B3GALT1: variants seen among roughly 807,000 people sequenced by gnomAD.
B3GALT1 encodes the protein beta-1,3-galactosyltransferase 1, also known as UDP-Gal:betaGlcNAc beta 1,3-galactosyltransferase, polypeptide 1.
Under a neutral mutation model 23.2 loss-of-function variants are expected in B3GALT1, and 10 were observed. The observed-to-expected ratio is 0.43, with a 90% CI of 0.27 to 0.73. B3GALT1 has a LOEUF of 0.73. Ranked by LOEUF, B3GALT1 falls within the 30% of genes least tolerant of loss-of-function variation. B3GALT1 has a pLI of 0.21. For synonymous variants in B3GALT1, 156 were observed against 141.5 expected, an observed-to-expected ratio of 1.10 and a Z score of -0.73; for missense variants, 299 against 405.4, an observed-to-expected ratio of 0.74 and a Z score of 2.25.
At chr2:167,844,197 A>G (rs1689707728) in intron 4 of B3GALT1, among the ~76,000 whole-genome samples, 1 of 152,224 alleles carries the variant, frequency 6.6e-6, no homozygotes, top group South Asian at 2.1e-4. Flanking sequence ...ACATGATCCC[A>G]TATTAATAAA....
chr2:167,305,115 C>T (rs933246491), intron 1 of B3GALT1, among the ~76,000 whole-genome samples: 2 of 152,158 alleles, frequency 1.3e-5, no homozygotes, highest in African/African-American at 2.4e-5. Flanking sequence ...TTTTACCAGC[C>T]ACCTAGGTAT....
At chr2:167,433,330 G>T (rs137864763) in intron 1 of B3GALT1, among the ~76,000 whole-genome samples, 1 of 152,130 alleles carries the variant, frequency 6.6e-6, no homozygotes, top group Non-Finnish European at 1.5e-5. Context: ...TTATTTATCT[G>T]TTAACTTACT....
At chr2:167,806,644 C>A (rs1009207849) in intron 3 of B3GALT1, among the ~76,000 whole-genome samples, 2 of 152,162 alleles carry the variant, frequency 1.3e-5, no homozygotes, top group African/African-American at 4.8e-5. Context: ...GTTGAACCAG[C>A]CTTGCATCCC....
At chr2:167,578,537 G>C (rs1684424563) in intron 2 of B3GALT1, among the ~76,000 whole-genome samples, 1 of 151,802 alleles carries the variant, frequency 6.6e-6, no homozygotes, top group Non-Finnish European at 1.5e-5. Flanking sequence ...GGGGGTATTG[G>C]AGGGTAGGGG....
At chr2:167,636,470 C>T (rs1427428978) in intron 2 of B3GALT1, among the ~76,000 whole-genome samples, 2 of 152,074 alleles carry the variant, frequency 1.3e-5, no homozygotes, top group South Asian at 4.1e-4. Context: ...TTTGACCCAG[C>T]CATCCCATTA....
chr2:167,593,434 G>C (rs985273932), intron 2 of B3GALT1, among the ~76,000 whole-genome samples: 2 of 152,136 alleles, frequency 1.3e-5, no homozygotes, highest in African/African-American at 4.8e-5. Context: ...TCAGTGCAAA[G>C]TTTGTGTGTT....
chr2:167,313,485 A>G (rs1247135799), intron 1 of B3GALT1, among the ~76,000 whole-genome samples: 1 of 152,160 alleles, frequency 6.6e-6, no homozygotes, highest in Non-Finnish European at 1.5e-5. Flanking sequence ...TCAGTATCTT[A>G]AGTCCAGGCT....
intron 2 of B3GALT1, among the ~76,000 whole-genome samples, chr2:167,550,072 T>G (rs1165235182): frequency 6.6e-6 from 1 of 152,200 alleles, no homozygotes; most frequent in Non-Finnish European, 1.5e-5. Flanking sequence ...TAAATGTACT[T>G]AGCTTATCAC....
chr2:167,462,229 T>C lies in B3GALT1; in HGVS notation c.-510-27948T>C, dbSNP rs143688230. ...TATAATTAATTTAGAATTATATAATTGAATCTTTAATAATGGCCATCTTTA... is the reference window on the plus strand; with the variant it reads ...TATAATTAATTTAGAATTATATAATCGAATCTTTAATAATGGCCATCTTTA... On this transcript the variant is annotated intron_variant, in intron 1 of 4. Transcript: ENST00000392690. Among the ~76,000 whole-genome samples the C allele has an allele frequency of 5.8e-3, 882 of 152,306 alleles. 9 individuals carry two copies. The highest frequency in any genetic ancestry group is 0.02 in the African/African-American group (846 of 41,578).
At position 167,603,583 on chromosome 2, in the gene B3GALT1, C is replaced by G. The variant is rs557039830; in HGVS notation, c.-409-43326C>G. Among the ~76,000 whole-genome samples the G allele has an allele frequency of 1.9e-4, 29 of 152,302 alleles. No individual in the cohort carries two copies. The South Asian group carries it at 6.0e-3, about 32-fold the overall frequency. ...AGCCTCTTCCTTTGCACTTGTGATC[C>G]TTACATGCTGGTTATCTAAATATTC... On this transcript the variant is annotated intron_variant, in intron 2 of 4. Coordinates refer to ENST00000392690, the MANE Select transcript of B3GALT1 (RefSeq NM_020981.4).
intron 3 of B3GALT1, among the ~76,000 whole-genome samples, chr2:167,799,061 C>T (rs957071140): frequency 3.9e-5 from 6 of 152,172 alleles, no homozygotes; most frequent in Non-Finnish European, 7.3e-5. Flanking sequence ...TTTCGAGGTG[C>T]TTTCCAATCC....
chr2:167,668,319 C>T (rs541111445), intron 3 of B3GALT1, among the ~76,000 whole-genome samples: 4 of 152,242 alleles, frequency 2.6e-5, no homozygotes, highest in East Asian at 3.9e-4. Context: ...CTCAGATCTC[C>T]AGCTGCATGC....
At chr2:167,405,908 TA>T (rs1215403494) in intron 1 of B3GALT1, among the ~76,000 whole-genome samples, 5 of 152,098 alleles carry the variant, frequency 3.3e-5, no homozygotes, top group African/African-American at 9.7e-5. Context: ...CAACAAATAC[TA>T]TTGAATAAAT....
In B3GALT1 at chr2:167,358,258, T is replaced by C. The variant is rs536349856; in HGVS notation, c.-511+64924T>C. Among the ~76,000 whole-genome samples the C allele has an allele frequency of 1.1e-4, 16 of 152,254 alleles. 1 individual carries two copies. Among genetic ancestry groups the C allele is most frequent in the African/African-American group, 3.8e-4 (16 of 41,560 alleles). The stretch of plus-strand genomic sequence containing the variant: ...ACCCAAAGTCCTAGAGGTAGAAGCA[T>C]GTATGAGGAACAAGTGTAGTTTTAA... On this transcript the variant is annotated intron_variant, in intron 1 of 4. Coordinates refer to ENST00000392690, the MANE Select transcript of B3GALT1 (RefSeq NM_020981.4).
chr2:167,598,904 A>ATCTTTCTTTACTATTTTCATTCTATTC (rs1684827781), intron 2 of B3GALT1, among the ~76,000 whole-genome samples: 1 of 152,220 alleles, frequency 6.6e-6, no homozygotes, highest in South Asian at 2.1e-4. Context: ...ACATTCTATT[A>ATCTTTCTTTACTATTTTCATTCTATTC]TCTTTCTTTA....
chr2:167,433,072 C>T (rs553719999), intron 1 of B3GALT1, among the ~76,000 whole-genome samples: 25 of 152,292 alleles, frequency 1.6e-4, no homozygotes, highest in Middle Eastern at 3.4e-3. Flanking sequence ...AATACCTCTG[C>T]GCTTGAATAG....
chr2:167,626,650 G>A (rs931048247), intron 2 of B3GALT1, among the ~76,000 whole-genome samples: 4 of 151,598 alleles, frequency 2.6e-5, no homozygotes, highest in Admixed American at 2.6e-4. Flanking sequence ...TGGACTGTTT[G>A]CTATCTTTCT....
At chr2:167,570,361 T>C (rs1684269262) in intron 2 of B3GALT1, among the ~76,000 whole-genome samples, 3 of 151,872 alleles carry the variant, frequency 2.0e-5, no homozygotes, top group Admixed American at 1.3e-4. Flanking sequence ...GTCTATTTTT[T>C]CTTGTGTGAG....
At chr2:167,446,933 G>A (rs755094668) in intron 1 of B3GALT1, among the ~76,000 whole-genome samples, 1 of 152,164 alleles carries the variant, frequency 6.6e-6, no homozygotes, top group Non-Finnish European at 1.5e-5. Context: ...AGGAGAAGAG[G>A]CACTGTGATT....
Sources: allele counts gnomAD v4.1 joint callset (sites outside exome capture counted in the v4.1 genomes callset), GRCh38; gene constraint gnomAD v4.1.1; transcripts MANE v1.5; gene names NCBI Gene and HGNC (gene_info 2026-07-23, HGNC 2026-07-21).